The following CCDC9 variants were observed in gnomAD, a reference collection of about 807,000 sequenced individuals.
CCDC9 encodes coiled-coil domain containing 9.
Under a neutral mutation model 65.6 loss-of-function variants are expected in CCDC9, and 52 were observed. The observed-to-expected ratio is 0.79, with a 90% CI of 0.63 to 1.00. The LOEUF (loss-of-function observed/expected upper bound fraction) is 1.00. CCDC9 is among the 50% of genes least tolerant of loss of function. CCDC9 has a pLI of 0.00. For missense variants in CCDC9, 834 were observed against 757.2 expected, an observed-to-expected ratio of 1.10 and a Z score of -1.19; for synonymous variants, 332 against 280.3, an observed-to-expected ratio of 1.18 and a Z score of -1.84.
chr19:47,266,518 C>G, intron 7 of CCDC9, 93 bp from the exon 8 acceptor site: 1 of 1,432,796 alleles, frequency 7.0e-7, no homozygotes, highest in Non-Finnish European at 9.2e-7. Context: ...CATCGCTTCC[C>G]TGTGTGATCC....
rs781056381 is a variant in CCDC9, at chr19:47,260,766, G to A, written c.389G>A (p.Arg130Gln). Residue 130 changes from arginine (R) to glutamine (Q), a missense_variant, in exon 5 of 12, where the codon CGG (arginine) becomes CAG (glutamine). Transcript: ENST00000221922. ...GGAGGAGGAGCTGGGGGCCGTGGCCGGAGGGGCCGGGGCCGAGGTTCACCT... is the reference window on the plus strand; with the variant it reads ...GGAGGAGGAGCTGGGGGCCGTGGCCAGAGGGGCCGGGGCCGAGGTTCACCT... ...PRGGGAGGRG[R>Q]RGRGRGSPHL... The A allele has an allele frequency of 6.2e-6, 10 of 1,610,444 alleles. No individual in the cohort carries two copies. The highest frequency in any genetic ancestry group is 3.4e-5 in the Admixed American group (2 of 58,838).
intron 8 of CCDC9, among the ~76,000 whole-genome samples, chr19:47,269,586 A>G (rs1459490464): frequency 2.0e-5 from 3 of 152,080 alleles, no homozygotes; most frequent in Non-Finnish European, 4.4e-5. Context: ...TGATCCGCCC[A>G]CCTGGACTCC....
chr19:47,270,319 G>A (rs917018641), intron 8 of CCDC9, 88 bp from the exon 9 acceptor site: 41 of 1,314,564 alleles, frequency 3.1e-5, no homozygotes, highest in Non-Finnish European at 4.0e-5. Flanking sequence ...TCTCTGATCC[G>A]ATTCCTGACC....
In CCDC9 at chr19:47,271,732, T is replaced by TGTGTGCGC. The variant is rs2059123882; in HGVS notation, c.*55_*56insTGTGCGCG. The TGTGTGCGC allele has an allele frequency of 1.9e-6, 1 of 528,234 alleles. No homozygotes were observed. The highest frequency in any genetic ancestry group is 2.4e-6 in the Non-Finnish European group (1 of 413,472). 32.7% of individuals were successfully genotyped at this position (528,234 alleles called of 1,614,324 possible). A position where few individuals can be genotyped will look rare whatever the true frequency, so the allele number is the denominator to read the frequency against. ...GTGTGTGTGTGTGTGTGTGTGTGTGTGCGCGCGCGCGCGCGCGCGCGCGCG... is the reference window on the plus strand; with the variant it reads ...GTGTGTGTGTGTGTGTGTGTGTGTGTGTGTGCGCGCGCGCGCGCGCGCGCGCGCGCGCG... On this transcript the variant is annotated 3_prime_UTR_variant, in exon 12 of 12. Transcript: ENST00000221922.
At chr19:47,265,501 G>T (rs2059075877) in intron 7 of CCDC9, among the ~76,000 whole-genome samples, 1 of 152,116 alleles carries the variant, frequency 6.6e-6, no homozygotes, top group Admixed American at 6.6e-5. Context: ...AGAAGAGGAG[G>T]CAGGGGCAGT....
chr19:47,266,926 C>A, intron 8 of CCDC9, 134 bp downstream of exon 8: 1 of 1,083,970 alleles, frequency 9.2e-7, no homozygotes, highest in Non-Finnish European at 1.3e-6. Context: ...ATGCCATGGA[C>A]CAGCTGCTGG....
chr19:47,260,401 G>C lies in CCDC9; in HGVS notation c.189G>C (p.Lys63Asn). The change falls in exon 4 of 12, where the codon AAG becomes AAC. Residue 63 changes from lysine (K) to asparagine (N), a missense_variant. Lys to Asn is a moderately conservative substitution (Grantham distance 94). Coordinates refer to ENST00000221922, the MANE Select transcript of CCDC9 (RefSeq NM_015603.3). ...TAPRKGRSVE[K>N]ENVAVESEKN... ...CCCGAAAGGGCCGCTCAGTGGAGAA[G>C]GAGAACGTGGCAGTGGAGTCGGTGA... The C allele has an allele frequency of 1.9e-6, 3 of 1,607,532 alleles. No individual in the cohort carries two copies. Among genetic ancestry groups the C allele is most frequent in the Non-Finnish European group, 2.5e-6 (3 of 1,177,078 alleles).
chr19:47,272,589 T>TC (rs1306345254), downstream of CCDC9, among the ~76,000 whole-genome samples: 1 of 152,098 alleles, frequency 6.6e-6, no homozygotes, highest in African/African-American at 2.4e-5. Flanking sequence ...TCCACTGTAC[T>TC]CCCACCTGGG....
chr19:47,275,638 T>G, downstream of CCDC9: 1 of 462,840 alleles, frequency 2.2e-6, no homozygotes, highest in Non-Finnish European at 3.9e-6. Flanking sequence ...ACAGCCCATC[T>G]GCCTCTTCAC....
chr19:47,271,604 C>A lies in CCDC9; in HGVS notation c.1522C>A (p.Leu508Met), dbSNP rs1394110143. 6.2e-7 allele frequency: 1 copy of A among 1,612,396 alleles called. No homozygotes were observed. Among genetic ancestry groups the A allele is most frequent in the Admixed American group, 1.7e-5 (1 of 60,010 alleles). ...GTCCGATTGGGGTGAAGAGGTGGAG[C>A]TGAATTCTCCCCGGACCACTCACCT... ...PVSDWGEEVELNSPRTTHLAG... is the reference protein window; with the variant it reads ...PVSDWGEEVEMNSPRTTHLAG... The change falls in exon 12 of 12, where the codon CTG becomes ATG. Residue 508 changes from leucine to methionine, a missense_variant. By Grantham distance (15) the Leu-to-Met change is conservative (BLOSUM62 2). Transcript: ENST00000221922.
downstream of CCDC9, chr19:47,275,680 G>A (rs142374177): frequency 4.2e-4 from 156 of 374,870 alleles, no homozygotes; most frequent in East Asian, 7.8e-3. Context: ...TGCAATAAAC[G>A]ACAGCCTCGG....
At chr19:47,260,469 G>C in intron 4 of CCDC9, 47 bp downstream of exon 4, 1 of 1,608,202 alleles carries the variant, frequency 6.2e-7, no homozygotes, top group Admixed American at 1.7e-5. Flanking sequence ...GGGAGGGGCA[G>C]AGGGTTGAGG....
At position 47,270,601 on chromosome 19, in the gene CCDC9, T is replaced by C. The variant is rs551514778; in HGVS notation, c.998T>C (p.Phe333Ser). ...CCGAAGCCCCCTACTTTTGGGGAGT[T>C]CCTGTCCCAGCACAAAGCTGAGGCC... ...RPPKPPTFGE[F>S]LSQHKAEASS... Residue 333 changes from phenylalanine (F) to serine (S), a missense_variant, in exon 10 of 12, where the codon TTC (phenylalanine) becomes TCC (serine). By Grantham distance (155) the Phe-to-Ser change is radical. Transcript: ENST00000221922. 2 of 1,613,616 alleles carry C rather than the reference T, an allele frequency of 1.2e-6. No homozygotes were observed. Among genetic ancestry groups the C allele is most frequent in the African/African-American group, 2.7e-5 (2 of 75,036 alleles).
At chr19:47,273,441 T>C (rs3826792), downstream of CCDC9, 529,863 of 1,217,294 alleles carry the variant, frequency 0.44, 117,407 homozygotes, top group East Asian at 0.65. Flanking sequence ...GCCCCTCCGC[T>C]GCCGGGGGCC....
intron 7 of CCDC9, 35 bp downstream of exon 7, chr19:47,264,981 C>T (rs1304589527): frequency 7.0e-7 from 1 of 1,424,644 alleles, no homozygotes. Flanking sequence ...TCGGGGCTCT[C>T]AGGGCTTTGA....
downstream of CCDC9, chr19:47,275,253 A>AGCCGCC: frequency 6.5e-7 from 1 of 1,538,906 alleles, no homozygotes; most frequent in Non-Finnish European, 8.8e-7. Flanking sequence ...GCTGCCGCTG[A>AGCCGCC]GCCGCCGCCG....
intron 7 of CCDC9, chr19:47,266,341 T>G (rs2059082259): frequency 2.4e-6 from 1 of 408,216 alleles, no homozygotes; most frequent in African/African-American, 2.1e-5. Context: ...AGGTTTCTTC[T>G]GGTGGGAGCT....
chr19:47,272,168 G>A, downstream of CCDC9: 1 of 1,234,566 alleles, frequency 8.1e-7, no homozygotes, highest in Non-Finnish European at 1.0e-6. Flanking sequence ...CCAGGTGGGG[G>A]AGTGCATGGG....
rs920963923 is a variant in CCDC9, at chr19:47,271,129, C to T, written c.1133C>T (p.Ala378Val). The change falls in exon 11 of 12, where the codon GCC becomes GTC. Residue 378 changes from alanine (A) to valine (V), a missense_variant. Physicochemically the swap from Ala to Val is moderately conservative, Grantham distance 64. Coordinates refer to ENST00000221922, the MANE Select transcript of CCDC9 (RefSeq NM_015603.3). ...WETKEGAASP[A>V]PETPQPTSPE... ...ACAAAAGAAGGGGCAGCATCCCCAG[C>T]CCCTGAGACTCCACAGCCTACTTCC... The T allele has an allele frequency of 1.3e-6, 2 of 1,579,646 alleles. No homozygotes were observed. The highest frequency in any genetic ancestry group is 1.4e-5 in the African/African-American group (1 of 73,526).
Sources: gnomAD v4.1 joint callset for allele counts (sites outside exome capture counted in the v4.1 genomes callset) on GRCh38, gnomAD v4.1.1 for gene constraint, MANE v1.5 for transcripts, NCBI Gene and HGNC (gene_info 2026-07-23, HGNC 2026-07-21) for gene names.